Variants in ACTR3B observed in about 807,000 individuals in gnomAD.
ACTR3B encodes actin related protein 3B.
In ACTR3B, 8 loss-of-function variants were observed where a neutral mutation model predicts 59.0. That is an observed-to-expected ratio of 0.14 (90% CI 0.08 to 0.24). ACTR3B has a LOEUF of 0.24. Among genes scored for constraint, ACTR3B ranks in the 10% least tolerant of loss-of-function variants. The pLI is 1.00. For synonymous variants in ACTR3B, 148 were observed against 197.9 expected, an observed-to-expected ratio of 0.75 and a Z score of 2.12; for missense variants, 245 against 552.3, an observed-to-expected ratio of 0.44 and a Z score of 5.58.
At chr7:152,832,394 A>G (rs1181921974) in intron 9 of ACTR3B, among the ~76,000 whole-genome samples, 3 of 152,226 alleles carry the variant, frequency 2.0e-5, no homozygotes, top group Admixed American at 6.5e-5. Context: ...CTGCAAATGG[A>G]TGTCACCAAG....
At chr7:152,809,473 G>T (rs2098262626) in intron 4 of ACTR3B, among the ~76,000 whole-genome samples, 1 of 152,078 alleles carries the variant, frequency 6.6e-6, no homozygotes, top group South Asian at 2.1e-4. Context: ...CCAGCTGATT[G>T]TTCATGTTCC....
chr7:152,787,534 C>G (rs2098178651), intron 2 of ACTR3B, among the ~76,000 whole-genome samples: 2 of 151,854 alleles, frequency 1.3e-5, no homozygotes, highest in Admixed American at 1.3e-4. Context: ...TAAAGACTTT[C>G]TATATTTTTT....
At chr7:152,815,628 T>A (rs944425886) in intron 5 of ACTR3B, among the ~76,000 whole-genome samples, 3 of 152,234 alleles carry the variant, frequency 2.0e-5, no homozygotes, top group Non-Finnish European at 2.9e-5. Flanking sequence ...GCAGCATCCC[T>A]GGCCTCTGCC....
In ACTR3B at chr7:152,852,171, C is replaced by T. The variant is rs1798858766; in HGVS notation, c.997C>T (p.Arg333Cys). The change falls in exon 10 of 12, where the codon CGC becomes TGC. Residue 333 changes from arginine (R) to cysteine (C), a missense_variant. Around this residue, in one of 7 missense-constraint regions of ACTR3B, gnomAD observed 153 missense variants for 266.2 expected, o/e 0.57. Transcript: ENST00000256001. ...CTCCACCATGTTCAGGGATTTCGGA[C>T]GCCGACTGCAGAGGGATTTGAAGAG... ...GGSTMFRDFG[R>C]RLQRDLKRVV... 1 of 1,613,886 alleles carries T rather than the reference C, an allele frequency of 6.2e-7. No individual in the cohort carries two copies. Among genetic ancestry groups the T allele is most frequent in the Non-Finnish European group, 8.5e-7 (1 of 1,180,002 alleles).
At chr7:152,801,983 A>G (rs944581998) in intron 4 of ACTR3B, among the ~76,000 whole-genome samples, 5 of 152,122 alleles carry the variant, frequency 3.3e-5, no homozygotes, top group African/African-American at 1.2e-4. Context: ...GGAATTGCAC[A>G]TGCAGCCTAG....
Position 152,854,365 on chromosome 7 carries a change from G to A in ACTR3B, c.1162-93G>A, listed in dbSNP as rs1799087213. 13 of 1,146,156 alleles carry A rather than the reference G, an allele frequency of 1.1e-5. No individual in the cohort carries two copies. In the East Asian group the frequency reaches 1.9e-4, roughly 17 times the overall value. 71.0% of individuals were successfully genotyped at this position (1,146,156 alleles called of 1,614,324 possible). A position where few individuals can be genotyped will look rare whatever the true frequency, so the allele number is the denominator to read the frequency against. ...GGTCCTGGGAGGGAGGGTGGAGGCC[G>A]GGATGAGGAGAGTGTCTTGCCTGCT... On this transcript the variant is annotated intron_variant, in intron 11 of 11. Transcript: ENST00000256001. The surrounding 1 kb of genome is among the most constrained non-coding windows in gnomAD (Gnocchi z 4.9).
chr7:152,808,501 G>GC (rs762804930), intron 4 of ACTR3B, among the ~76,000 whole-genome samples: 66 of 152,034 alleles, frequency 4.3e-4, no homozygotes, highest in Middle Eastern at 6.8e-3. Context: ...CAGAGAGAAT[G>GC]CAGGGAGCCA....
intron 7 of ACTR3B, among the ~76,000 whole-genome samples, chr7:152,822,529 C>T (rs1249674327): frequency 4.6e-5 from 7 of 152,318 alleles, no homozygotes; most frequent in East Asian, 3.9e-4. Flanking sequence ...AGCATCCTGG[C>T]GGCTTCAGTC....
At chr7:152,806,832 A>G (rs891210581) in intron 4 of ACTR3B, among the ~76,000 whole-genome samples, 19 of 152,344 alleles carry the variant, frequency 1.2e-4, no homozygotes, top group Admixed American at 2.6e-4. Flanking sequence ...ATTTCCCATC[A>G]TAGATCAGTG....
chr7:152,853,423 G>C, intron 10 of ACTR3B, 71 bp from the exon 11 acceptor site: 2 of 1,464,318 alleles, frequency 1.4e-6, no homozygotes, highest in South Asian at 2.4e-5. Context: ...CTGTGGTCTC[G>C]TCAGCCGGGG....
chr7:152,818,124 T>G (rs966754165), intron 6 of ACTR3B, among the ~76,000 whole-genome samples: 3 of 152,308 alleles, frequency 2.0e-5, no homozygotes, highest in Non-Finnish European at 2.9e-5. Flanking sequence ...AACTCAGGCT[T>G]CCGTTTCCTC....
intron 9 of ACTR3B, among the ~76,000 whole-genome samples, chr7:152,849,304 G>A (rs1798610284): frequency 6.6e-6 from 1 of 152,190 alleles, no homozygotes; most frequent in African/African-American, 2.4e-5. Context: ...GAGTAGAAGT[G>A]TGGGGCCGAC....
At position 152,854,786 on chromosome 7, in the gene ACTR3B, C is replaced by T. The variant is rs967390997; in HGVS notation, c.*233C>T. 1 of 381,408 alleles carries T rather than the reference C, an allele frequency of 2.6e-6. No homozygotes were observed. Among genetic ancestry groups the T allele is most frequent in the Admixed American group, 4.3e-5 (1 of 23,266 alleles). The allele number at this position is 381,408 out of a possible 1,614,324, so 23.6% of individuals were successfully genotyped here. On this transcript the variant is annotated 3_prime_UTR_variant, in exon 12 of 12. Transcript: ENST00000256001. The surrounding 1 kb of genome is among the most constrained non-coding windows in gnomAD (Gnocchi z 4.9). ...TCCCGCCCTCCTCACCCTCGCTCTC[C>T]CTCCTCCTCCTCCTCCGAGCTGCTA...
At chr7:152,761,718 T>C (rs1193145245) in intron 1 of ACTR3B, among the ~76,000 whole-genome samples, 1 of 152,198 alleles carries the variant, frequency 6.6e-6, no homozygotes, top group Non-Finnish European at 1.5e-5. Flanking sequence ...AGAAGGAGCC[T>C]GAAAGAGCCC....
At chr7:152,779,512 G>A (rs1380840294) in intron 1 of ACTR3B, among the ~76,000 whole-genome samples, 1 of 152,202 alleles carries the variant, frequency 6.6e-6, no homozygotes, top group African/African-American at 2.4e-5. Flanking sequence ...GACTAGTACA[G>A]TGCCTGCTAC....
At chr7:152,771,246 T>C (rs1389797135) in intron 1 of ACTR3B, among the ~76,000 whole-genome samples, 1 of 152,200 alleles carries the variant, frequency 6.6e-6, no homozygotes, top group Non-Finnish European at 1.5e-5. Flanking sequence ...TGAGCCACTG[T>C]GCCTGGCTAG....
At chr7:152,815,373 C>G (rs118136649) in intron 5 of ACTR3B, among the ~76,000 whole-genome samples, 2 of 152,152 alleles carry the variant, frequency 1.3e-5, no homozygotes, top group East Asian at 1.9e-4. Context: ...TCTAGCACTT[C>G]CAAATTTATT....
At chr7:152,798,836 T>G (rs1408111137) in intron 2 of ACTR3B, among the ~76,000 whole-genome samples, 2 of 152,236 alleles carry the variant, frequency 1.3e-5, no homozygotes, top group Non-Finnish European at 1.5e-5. Flanking sequence ...CTGGGCTCTT[T>G]GTTCCACTGG....
intron 7 of ACTR3B, among the ~76,000 whole-genome samples, chr7:152,822,898 G>T: frequency 6.6e-6 from 1 of 152,192 alleles, no homozygotes; most frequent in Non-Finnish European, 1.5e-5. Flanking sequence ...CAAAGAAGCC[G>T]CTGCAGTCAG....
Sources: allele counts gnomAD v4.1 joint callset (sites outside exome capture counted in the v4.1 genomes callset), GRCh38; gene constraint gnomAD v4.1.1; regional missense constraint gnomAD v4.1.1; non-coding constraint Gnocchi (gnomAD v3.1); transcripts MANE v1.5; gene names NCBI Gene and HGNC (gene_info 2026-07-23, HGNC 2026-07-21).